The following DLGAP2 variants were observed in gnomAD, a reference collection of about 807,000 sequenced individuals.
The protein encoded by DLGAP2 is disks large-associated protein 2.
DLGAP2 carries 26 observed loss-of-function variants against 100.3 expected under a neutral mutation model. The ratio of observed to expected loss-of-function variants is 0.26; its 90% CI spans 0.19 to 0.36. The LOEUF is 0.36. Ranked by LOEUF, DLGAP2 falls within the 10% of genes least tolerant of loss-of-function variation. DLGAP2 has a pLI of 1.00. For synonymous variants in DLGAP2, 886 were observed against 630.1 expected (o/e 1.41, Z -6.08); for missense variants, 1,858 against 1,453.2 (o/e 1.28, Z -4.53).
At chr8:994,432 T>C (rs1800728813) in intron 2 of DLGAP2, among the ~76,000 whole-genome samples, 1 of 152,164 alleles carries the variant, frequency 6.6e-6, no homozygotes, top group Non-Finnish European at 1.5e-5. Flanking sequence ...ACTCCCGACC[T>C]CAGGTGATCC....
At chr8:971,115 A>C (rs1014916408) in intron 2 of DLGAP2, among the ~76,000 whole-genome samples, 1 of 152,210 alleles carries the variant, frequency 6.6e-6, no homozygotes, top group African/African-American at 2.4e-5. Context: ...GGACTTTATC[A>C]AAATGAGTAA....
At chr8:863,564 G>A (rs973648032) in intron 1 of DLGAP2, among the ~76,000 whole-genome samples, 1 of 152,112 alleles carries the variant, frequency 6.6e-6, no homozygotes, top group Non-Finnish European at 1.5e-5. Context: ...CCCATCTGTG[G>A]GTTTTCTCTT....
At chr8:936,730 G>A (rs1050351056) in intron 2 of DLGAP2, among the ~76,000 whole-genome samples, 2 of 152,178 alleles carry the variant, frequency 1.3e-5, no homozygotes, top group Non-Finnish European at 2.9e-5. Context: ...GGCACTTAGG[G>A]TACAGCATGG....
intron 3 of DLGAP2, among the ~76,000 whole-genome samples, chr8:1,443,048 C>G (rs1269681659): frequency 6.6e-6 from 1 of 152,220 alleles, no homozygotes; most frequent in Non-Finnish European, 1.5e-5. Context: ...GTGCATTTCT[C>G]TTTGTTAGAC....
intron 1 of DLGAP2, among the ~76,000 whole-genome samples, chr8:886,300 T>C (rs1418767263): frequency 6.6e-6 from 1 of 152,206 alleles, no homozygotes; most frequent in Non-Finnish European, 1.5e-5. Flanking sequence ...GCAGTCTATT[T>C]TGTTAATTTT....
intron 14 of DLGAP2, among the ~76,000 whole-genome samples, chr8:1,698,786 G>T (rs1238641150): frequency 1.4e-5 from 2 of 141,582 alleles, no homozygotes; most frequent in African/African-American, 2.6e-5. Context: ...GGACAGGTCT[G>T]TGTAAGCCAT....
At chr8:1,249,160 C>G (rs1227846114) in intron 2 of DLGAP2, among the ~76,000 whole-genome samples, 3 of 152,172 alleles carry the variant, frequency 2.0e-5, no homozygotes, top group African/African-American at 7.2e-5. Flanking sequence ...CTGCTCTACC[C>G]TTGCCTGCTT....
intron 3 of DLGAP2, among the ~76,000 whole-genome samples, chr8:1,365,348 G>A (rs755854017): frequency 6.6e-5 from 10 of 152,166 alleles, no homozygotes; most frequent in African/African-American, 9.6e-5. Flanking sequence ...CAGATGCTGG[G>A]AAACAGGCAC....
intron 2 of DLGAP2, among the ~76,000 whole-genome samples, chr8:1,008,628 C>G (rs1346207485): frequency 6.6e-6 from 1 of 152,206 alleles, no homozygotes; most frequent in Non-Finnish European, 1.5e-5. Flanking sequence ...AAGCCAATGT[C>G]CTTTGCATGG....
At chr8:1,143,805 C>G (rs946177818) in intron 2 of DLGAP2, among the ~76,000 whole-genome samples, 11 of 152,232 alleles carry the variant, frequency 7.2e-5, no homozygotes, top group African/African-American at 2.7e-4. Flanking sequence ...GTTGCTTTCC[C>G]TTCTGTGCAG....
intron 3 of DLGAP2, among the ~76,000 whole-genome samples, chr8:1,304,725 G>C (rs552170268): frequency 6.6e-6 from 1 of 152,094 alleles, no homozygotes; most frequent in Non-Finnish European, 1.5e-5. Context: ...AAGCAAGCAG[G>C]GTAATTTATC....
intron 1 of DLGAP2, among the ~76,000 whole-genome samples, chr8:745,843 C>G (rs1457939329): frequency 3.3e-5 from 5 of 152,218 alleles, no homozygotes; most frequent in Admixed American, 6.5e-5. Context: ...TCCCATTTCC[C>G]TAAAGCTACT....
intron 1 of DLGAP2, among the ~76,000 whole-genome samples, chr8:873,586 G>T (rs1797637907): frequency 6.6e-6 from 1 of 151,884 alleles, no homozygotes; most frequent in African/African-American, 2.4e-5. Context: ...CTAATATTTT[G>T]TTGAGGATTT....
rs76707764 is a variant in DLGAP2, at chr8:1,430,007, C to G, written c.107-71359C>G. ...AGAAGGGGAGAGATGCATATATATA[C>G]ATATATATATATATATATATACACA... On this transcript the variant is annotated intron_variant, in intron 3 of 14. Coordinates refer to ENST00000637795, the MANE Select transcript of DLGAP2 (RefSeq NM_001346810.2). Among the ~76,000 whole-genome samples the G allele has an allele frequency of 9.9e-4, 54 of 54,390 alleles. 10 individuals carry two copies. The highest frequency in any genetic ancestry group is 3.2e-3 in the African/African-American group (52 of 16,392). 35.7% of individuals were successfully genotyped at this position (54,390 alleles called of 152,430 possible).
intron 6 of DLGAP2, among the ~76,000 whole-genome samples, chr8:1,567,830 C>G (rs371764174): frequency 1.3e-5 from 2 of 152,298 alleles, no homozygotes; most frequent in African/African-American, 4.8e-5. Context: ...TAAACACTGG[C>G]CAGACCCTTC....
intron 2 of DLGAP2, among the ~76,000 whole-genome samples, chr8:1,243,488 G>A (rs1234699730): frequency 6.6e-6 from 1 of 152,188 alleles, no homozygotes; most frequent in Non-Finnish European, 1.5e-5. Context: ...TCTGGACTTG[G>A]CCATTGCATT....
chr8:1,588,738 TAAAAA>T (rs11358700), intron 6 of DLGAP2, among the ~76,000 whole-genome samples: 2 of 91,470 alleles, frequency 2.2e-5, no homozygotes, highest in South Asian at 4.5e-4. Context: ...CTGTCTTTAC[TAAAAA>T]AAAAAAAAAA....
chr8:1,037,022 C>T (rs900653492), intron 2 of DLGAP2, among the ~76,000 whole-genome samples: 10 of 152,102 alleles, frequency 6.6e-5, no homozygotes, highest in Non-Finnish European at 1.0e-4. Flanking sequence ...ATGCACTGGA[C>T]GCTTGCTGTT....
At chr8:1,378,976 C>G (rs1242744965) in intron 3 of DLGAP2, among the ~76,000 whole-genome samples, 1 of 152,246 alleles carries the variant, frequency 6.6e-6, no homozygotes, top group African/African-American at 2.4e-5. Context: ...CCCATAGGGT[C>G]CACCACAGCA....
Sources: allele counts gnomAD v4.1 joint callset (sites outside exome capture counted in the v4.1 genomes callset), GRCh38; gene constraint gnomAD v4.1.1; transcripts MANE v1.5; gene names NCBI Gene and HGNC (gene_info 2026-07-23, HGNC 2026-07-21).